CATSPERT: variants seen among roughly 807,000 people sequenced by gnomAD.
CATSPERT encodes catsper channel auxiliary subunit tau.
chr2:201,552,300 C>T, the CATSPERT span, among the ~76,000 whole-genome samples: 72,290 of 151,924 alleles, frequency 0.48, 17,629 homozygotes, highest in East Asian at 0.75. Flanking sequence ...TTGAGCTTCG[C>T]AGTGTAAACC....
chr2:201,569,329 C>T, the CATSPERT span, among the ~76,000 whole-genome samples: 3 of 152,138 alleles, frequency 2.0e-5, no homozygotes, highest in African/African-American at 7.2e-5. Flanking sequence ...TCTGCTTATA[C>T]AGATGAGGTT....
chr2:201,507,075 T>C, the CATSPERT span, among the ~76,000 whole-genome samples: 1 of 152,074 alleles, frequency 6.6e-6, no homozygotes, highest in African/African-American at 2.4e-5. Flanking sequence ...ATATTAGAAG[T>C]CAGGAAACAA....
At chr2:201,516,673 A>G in the CATSPERT span, among the ~76,000 whole-genome samples, 3 of 152,182 alleles carry the variant, frequency 2.0e-5, no homozygotes, top group East Asian at 1.9e-4. Flanking sequence ...AGCCCTATGC[A>G]TAAGATCACT....
At chr2:201,487,422 G>A in the CATSPERT span, 9 of 591,092 alleles carry the variant, frequency 1.5e-5, no homozygotes, top group African/African-American at 7.5e-5. Flanking sequence ...TACATCAAAT[G>A]TGTTTGTTTT....
the CATSPERT span, among the ~76,000 whole-genome samples, chr2:201,617,952 G>GA: frequency 6.6e-6 from 1 of 152,116 alleles, no homozygotes; most frequent in Non-Finnish European, 1.5e-5. Context: ...ACAGACACAT[G>GA]AAAAAATGCT....
At chr2:201,548,043 TAAAC>T in the CATSPERT span, among the ~76,000 whole-genome samples, 1 of 152,128 alleles carries the variant, frequency 6.6e-6, no homozygotes, top group African/African-American at 2.4e-5. Flanking sequence ...CTGGGTGACT[TAAAC>T]AACAGACTTT....
chr2:201,501,059 T>C, the CATSPERT span, among the ~76,000 whole-genome samples: 11 of 151,762 alleles, frequency 7.2e-5, no homozygotes, highest in Non-Finnish European at 1.0e-4. Flanking sequence ...GAAAAATCGA[T>C]GCTAAGGGGA....
chr2:201,565,081 C>CA, the CATSPERT span, among the ~76,000 whole-genome samples: 4 of 145,046 alleles, frequency 2.8e-5, no homozygotes, highest in African/African-American at 7.6e-5. Flanking sequence ...TGAAGCATAG[C>CA]AAAAAAAAGG....
the CATSPERT span, among the ~76,000 whole-genome samples, chr2:201,607,740 C>T: frequency 6.6e-6 from 1 of 152,138 alleles, no homozygotes; most frequent in Non-Finnish European, 1.5e-5. Context: ...AGTTAAAAAC[C>T]GAATTGCCTT....
At chr2:201,563,295 G>T in the CATSPERT span, among the ~76,000 whole-genome samples, 2 of 138,602 alleles carry the variant, frequency 1.4e-5, no homozygotes, top group African/African-American at 5.5e-5. Flanking sequence ...CCTCCCGGAC[G>T]GGGCGGCTGG....
chr2:201,608,295 G>T, the CATSPERT span, among the ~76,000 whole-genome samples: 1 of 152,144 alleles, frequency 6.6e-6, no homozygotes, highest in East Asian at 1.9e-4. Context: ...TTAGAGGCAT[G>T]AGCCATCATA....
the CATSPERT span, among the ~76,000 whole-genome samples, chr2:201,603,839 G>A: frequency 1.3e-5 from 2 of 152,116 alleles, no homozygotes; most frequent in Admixed American, 1.3e-4. Context: ...ATCCTAATAT[G>A]AGAATTAGCC....
chr2:201,520,115 A>G, the CATSPERT span, among the ~76,000 whole-genome samples: 1 of 152,192 alleles, frequency 6.6e-6, no homozygotes, highest in Non-Finnish European at 1.5e-5. Flanking sequence ...AGTCAGCAAG[A>G]AAATAACAAT....
the CATSPERT span, chr2:201,487,555 TCA>T: frequency 6.8e-7 from 1 of 1,467,228 alleles, no homozygotes. Context: ...ACTGCTGGCC[TCA>T]CATATCATTC....
chr2:201,499,845 T>C, the CATSPERT span, among the ~76,000 whole-genome samples: 1 of 147,298 alleles, frequency 6.8e-6, no homozygotes, highest in African/African-American at 2.5e-5. Context: ...AAAAATTATA[T>C]ATATATATAA....
chr2:201,613,925 T>C, the CATSPERT span, among the ~76,000 whole-genome samples: 1 of 152,130 alleles, frequency 6.6e-6, no homozygotes, highest in Non-Finnish European at 1.5e-5. Context: ...CAAGCTTCAG[T>C]AGCCGATTTG....
chr2:201,618,738 G>T, the CATSPERT span, among the ~76,000 whole-genome samples: 2 of 150,612 alleles, frequency 1.3e-5, no homozygotes, highest in Non-Finnish European at 3.0e-5. Flanking sequence ...TAAAAAAAAG[G>T]AATTGCTATA....
At chr2:201,488,788 CAA>C in the CATSPERT span, among the ~76,000 whole-genome samples, 3 of 151,980 alleles carry the variant, frequency 2.0e-5, no homozygotes, top group Non-Finnish European at 4.4e-5. Context: ...AAAAGATTTA[CAA>C]AAAAGACTGT....
At chr2:201,492,004 C>T in the CATSPERT span, 1 of 1,536,784 alleles carries the variant, frequency 6.5e-7, no homozygotes, top group Non-Finnish European at 8.7e-7. Context: ...TTTGATTAAA[C>T]TTGGTGTTTT....
Sources: allele counts gnomAD v4.1 joint callset (sites outside exome capture counted in the v4.1 genomes callset), GRCh38; gene constraint gnomAD v4.1.1; transcripts MANE v1.5; gene names NCBI Gene and HGNC (gene_info 2026-07-23, HGNC 2026-07-21).